The following EMILIN3 variants were observed in gnomAD, a reference collection of about 807,000 sequenced individuals.
EMILIN3 encodes elastin microfibril interfacer 3.
A neutral mutation model predicts 42.8 loss-of-function variants in EMILIN3; 38 were observed. The observed-to-expected ratio is 0.89, with a 90% confidence interval of 0.69 to 1.16. The LOEUF is 1.16. Ranked by LOEUF, EMILIN3 falls within the 50% of genes most tolerant of loss-of-function variation. The pLI, the probability that EMILIN3 is intolerant of heterozygous loss-of-function variation, is 0.00. For synonymous variants in EMILIN3, 430 were observed against 440.5 expected, an observed-to-expected ratio of 0.98 and a Z score of 0.30; for missense variants, 924 against 999.5, an observed-to-expected ratio of 0.92 and a Z score of 1.02.
Position 41,362,015 on chromosome 20 carries a change from C to T in EMILIN3, c.1554G>A (p.Glu518=). ...AGGTGGTGCTCGGGGTGCACGAAGT[C>T]TCCAGTGAGACCAACCGTTGCTCTA... is the stretch of plus-strand genomic sequence containing the variant. ...AVLEQRLVSL[E]TSCTPSTTSA... is the part of the protein sequence containing the mutation. Residue 518 remains glutamate (E), a synonymous_variant, in exon 4 of 4, where the codon GAG becomes GAA. Coordinates refer to ENST00000332312, the MANE Select transcript of EMILIN3 (RefSeq NM_052846.2). The T allele has an allele frequency of 3.1e-6, 5 of 1,611,684 alleles. No individual in the cohort carries two copies. The highest frequency in any genetic ancestry group is 4.2e-6 in the Non-Finnish European group (5 of 1,178,130).
Position 41,365,525 on chromosome 20 carries a change from C to T in EMILIN3, c.168-368G>A, listed in dbSNP as rs111430066. 5.9e-3 allele frequency among the ~76,000 whole-genome samples: 896 copies of T among 152,314 alleles called. 12 individuals carry two copies. Among genetic ancestry groups the T allele is most frequent in the African/African-American group, 0.02 (848 of 41,558 alleles). ...CTTGGCATTTAAGGCTTCCGAGTCCCCACTCAGTGACTCCTTTGAGAGCAC... is the reference window on the plus strand; with the variant it reads ...CTTGGCATTTAAGGCTTCCGAGTCCTCACTCAGTGACTCCTTTGAGAGCAC... On this transcript the variant is annotated intron_variant, in intron 1 of 3. Transcript: ENST00000332312.
In EMILIN3 at chr20:41,366,433, C is replaced by A; in HGVS notation, c.167+35G>T. ...AGCGGCGACGCGCGCGGGCCCATCC[C>A]TCCCTCTTCCCGCCCGCCGCCCGCC... On this transcript the variant is annotated intron_variant, in intron 1 of 3. Coordinates refer to ENST00000332312, the MANE Select transcript of EMILIN3 (RefSeq NM_052846.2). This position sits in a 1 kb window ranked among gnomAD's most constrained non-coding sequence, Gnocchi z 4.2. 1 of 1,108,682 alleles carries A rather than the reference C, an allele frequency of 9.0e-7. No homozygotes were observed. The highest frequency in any genetic ancestry group is 5.1e-5 in the Admixed American group (1 of 19,608). The allele number at this position is 1,108,682 out of a possible 1,614,324, so 68.7% of individuals were successfully genotyped here.
chr20:41,366,575 C>T lies in EMILIN3; in HGVS notation c.60G>A (p.Ala20=), dbSNP rs1454758451. 5.3e-6 allele frequency: 6 copies of T among 1,121,660 alleles called. No individual in the cohort carries two copies. Among genetic ancestry groups the T allele is most frequent in the Non-Finnish European group, 6.5e-6 (6 of 919,246 alleles). 69.5% of individuals were successfully genotyped at this position (1,121,660 alleles called of 1,614,324 possible). The change falls in exon 1 of 4, where the codon GCG becomes GCA. Residue 20 remains alanine, a synonymous_variant. Coordinates refer to ENST00000332312, the MANE Select transcript of EMILIN3 (RefSeq NM_052846.2). The surrounding 1 kb of genome is among the most constrained non-coding windows in gnomAD (Gnocchi z 4.2). ...CCAGGAGCGGGGTGCCCCTGGCCTG[C>T]GCCCCCGAGAGCAGCGCCGCGACGG... The part of the protein sequence containing the change: ...LCAVAALLSG[A]QARGTPLLAR...
At position 41,366,387 on chromosome 20, in the gene EMILIN3, C is replaced by T. The variant is rs1277950981; in HGVS notation, c.167+81G>A. On this transcript the variant is annotated intron_variant, in intron 1 of 3. Transcript: ENST00000332312. The surrounding 1 kb of genome is among the most constrained non-coding windows in gnomAD (Gnocchi z 4.2). ...GGGGTGCCCGGGGCCTCGACGCCCC[C>T]CGCGGGTGCGGGCAGGTGGGAGCGG... 2 of 1,044,514 alleles carry T rather than the reference C, an allele frequency of 1.9e-6. No individual in the cohort carries two copies. Among genetic ancestry groups the T allele is most frequent in the Middle Eastern group, 4.3e-4 (1 of 2,320 alleles). The allele number at this position is 1,044,514 out of a possible 1,614,324, so 64.7% of individuals were successfully genotyped here.
At chr20:41,365,268 T>G in intron 1 of EMILIN3, 111 bp from the exon 2 acceptor site, 1 of 1,438,540 alleles carries the variant, frequency 7.0e-7, no homozygotes, top group Non-Finnish European at 9.3e-7. Context: ...CTCCCATGTC[T>G]CTTCTGTCTG....
Position 41,361,815 on chromosome 20 carries a change from G to A in EMILIN3, c.1754C>T (p.Thr585Ile). 8 of 1,613,592 alleles carry A rather than the reference G, an allele frequency of 5.0e-6. No homozygotes were observed. The highest frequency in any genetic ancestry group is 6.8e-6 in the Non-Finnish European group (8 of 1,180,040). ...GTGSSLQGEITLLKVNLNSVS... is the reference protein window; with the variant it reads ...GTGSSLQGEIILLKVNLNSVS... The stretch of plus-strand genomic sequence containing the variant: ...TGAGTTCAGATTGACCTTGAGCAGA[G>A]TGATCTCGCCTTGAAGTGAGCTGCC... The change falls in exon 4 of 4, where the codon ACT (threonine) becomes ATT (isoleucine). Residue 585 changes from threonine to isoleucine, a missense_variant. Coordinates refer to ENST00000332312, the MANE Select transcript of EMILIN3 (RefSeq NM_052846.2).
At chr20:41,363,421 A>T (rs555915525) in intron 3 of EMILIN3, among the ~76,000 whole-genome samples, 5 of 152,314 alleles carry the variant, frequency 3.3e-5, no homozygotes. Context: ...GATTACAGGC[A>T]TGAGCCACCG....
Position 41,365,076 on chromosome 20 carries a change from G to A in EMILIN3, c.249C>T (p.Tyr83=), listed in dbSNP as rs1342052186. The A allele has an allele frequency of 6.2e-7, 1 of 1,613,922 alleles. No individual in the cohort carries two copies. The highest frequency in any genetic ancestry group is 2.2e-5 in the East Asian group (1 of 44,900). ...ACTTGGGCCCCCATCTACACTGCCG[G>A]TATTCAGCCTTTACGTAGCTCTCCG... ...EGAESYVKAE[Y]RQCRWGPKCP... The change falls in exon 2 of 4, where the codon TAC becomes TAT. Residue 83 remains tyrosine, a synonymous_variant. Transcript: ENST00000332312.
In EMILIN3 at chr20:41,361,822, C is replaced by T. The variant is rs753687591; in HGVS notation, c.1747G>A (p.Glu583Lys). 6.2e-6 allele frequency: 10 copies of T among 1,613,544 alleles called. No individual in the cohort carries two copies. The highest frequency in any genetic ancestry group is 8.5e-6 in the Non-Finnish European group (10 of 1,180,046). ...AGATTGACCTTGAGCAGAGTGATCT[C>T]GCCTTGAAGTGAGCTGCCCGTCCCT... Reference protein sequence around the residue: ...AEGTGSSLQGEITLLKVNLNS... With the variant: ...AEGTGSSLQGKITLLKVNLNS... Residue 583 changes from glutamate to lysine, a missense_variant, in exon 4 of 4, where the codon GAG becomes AAG. Coordinates refer to ENST00000332312, the MANE Select transcript of EMILIN3 (RefSeq NM_052846.2).
At chr20:41,363,996 T>A in intron 2 of EMILIN3, 135 bp from the exon 3 acceptor site, 1 of 785,562 alleles carries the variant, frequency 1.3e-6, no homozygotes, top group Non-Finnish European at 2.1e-6. Flanking sequence ...CCCCCAGGGC[T>A]GTACTTTTTC....
chr20:41,365,726 A>G (rs2046390230), intron 1 of EMILIN3, among the ~76,000 whole-genome samples: 1 of 152,074 alleles, frequency 6.6e-6, no homozygotes, highest in Non-Finnish European at 1.5e-5. Flanking sequence ...TCTTCCTCCT[A>G]CAACAGCTCT....
chr20:41,360,036 A>C lies in EMILIN3; in HGVS notation c.*1232T>G, dbSNP rs2147029870. On this transcript the variant is annotated 3_prime_UTR_variant, in exon 4 of 4. Coordinates refer to ENST00000332312, the MANE Select transcript of EMILIN3 (RefSeq NM_052846.2). ...ACCAGAGTGGAGGGCAGAATACCAA[A>C]TGTCCAGGAACCAAAGGCAGGGCTG... 1 of 152,682 alleles carries C rather than the reference A, an allele frequency of 6.5e-6. No homozygotes were observed. Among genetic ancestry groups the C allele is most frequent in the East Asian group, 1.9e-4 (1 of 5,174 alleles). The allele number at this position is 152,682 out of a possible 1,614,324, so 9.5% of individuals were successfully genotyped here.
Position 41,366,358 on chromosome 20 carries a change from C to T in EMILIN3, c.167+110G>A. On this transcript the variant is annotated intron_variant, in intron 1 of 3. Transcript: ENST00000332312. This position sits in a 1 kb window ranked among gnomAD's most constrained non-coding sequence, Gnocchi z 4.2. ...GGGCGCCGCCCCCTCTGTGCAGCGG[C>T]CTCGGGGTGCCCGGGGCCTCGACGC... 1.2e-6 allele frequency: 1 copy of T among 833,818 alleles called. No homozygotes were observed. The highest frequency in any genetic ancestry group is 1.5e-6 in the Non-Finnish European group (1 of 672,604). 51.7% of individuals were successfully genotyped at this position (833,818 alleles called of 1,614,324 possible). A position where few individuals can be genotyped will look rare whatever the true frequency, so the allele number is the denominator to read the frequency against.
At chr20:41,363,932 A>G (rs1242296348) in intron 2 of EMILIN3, 71 bp from the exon 3 acceptor site, 36 of 1,472,290 alleles carry the variant, frequency 2.4e-5, no homozygotes. Context: ...GCTGGCACTC[A>G]GGGCCGCCCT....
At chr20:41,364,656 C>A (rs1468381852) in intron 2 of EMILIN3, among the ~76,000 whole-genome samples, 1 of 152,172 alleles carries the variant, frequency 6.6e-6, no homozygotes, top group Non-Finnish European at 1.5e-5. Context: ...GCCTGCCAGG[C>A]CCCCCTGTGG....
rs564227159 is a variant in EMILIN3 at position 41,365,788 on chromosome 20, C to A, written c.168-631G>T. On this transcript the variant is annotated intron_variant, in intron 1 of 3. Transcript: ENST00000332312. ...CCAGCACCCCAGGCAGAGCCTCCAG[C>A]CCACTTAACTGAGGCCAGTTCGCAA... Among the ~76,000 whole-genome samples, 12 of 152,362 alleles carry A rather than the reference C, an allele frequency of 7.9e-5. No individual in the cohort carries two copies. In the South Asian group the frequency reaches 2.3e-3, roughly 29 times the overall value.
rs545500109 is a variant in EMILIN3 at position 41,362,055 on chromosome 20, G to T, written c.1514C>A (p.Thr505Lys). The change falls in exon 4 of 4, where the codon ACA becomes AAA. Residue 505 changes from threonine to lysine, a missense_variant. Coordinates refer to ENST00000332312, the MANE Select transcript of EMILIN3 (RefSeq NM_052846.2). ...CCGTTGCTCTAGCACAGCCAGCTCTGTCTGTACAAGGGGCCGAGCTGACCT... is the reference window on the plus strand; with the variant it reads ...CCGTTGCTCTAGCACAGCCAGCTCTTTCTGTACAAGGGGCCGAGCTGACCT... ...PGRSARPLVQ[T>K]ELAVLEQRLV... 1.9e-6 allele frequency: 3 copies of T among 1,610,776 alleles called. No individual in the cohort carries two copies. The highest frequency in any genetic ancestry group is 2.5e-6 in the Non-Finnish European group (3 of 1,177,350).
rs778005959 is a variant in EMILIN3, at chr20:41,362,300, G to C, written c.1269C>G (p.Leu423=). The change falls in exon 4 of 4, where the codon CTC becomes CTG. Residue 423 remains leucine, a synonymous_variant. Coordinates refer to ENST00000332312, the MANE Select transcript of EMILIN3 (RefSeq NM_052846.2). ...CACCTCCCTCGAGCATGGCAGCAGA[G>C]AGCCTCGTAAGCTCATCCCCGGCCG... The part of the protein sequence containing the change: ...GAPAGDELTR[L]SAAMLEGGVD... 85 of 1,613,288 alleles carry C rather than the reference G, an allele frequency of 5.3e-5. No homozygotes were observed. Among genetic ancestry groups the C allele is most frequent in the Non-Finnish European group, 7.0e-5 (83 of 1,179,982 alleles).
Position 41,362,275 on chromosome 20 carries a change from C to T in EMILIN3, c.1294G>A (p.Val432Met). The stretch of plus-strand genomic sequence containing the variant: ...TCCAGACCCTCAAGCAGCCCGTCCA[C>T]ACCTCCCTCGAGCATGGCAGCAGAG... ...RLSAAMLEGG[V>M]DGLLEGLETL... The change falls in exon 4 of 4, where the codon GTG (valine) becomes ATG (methionine). Residue 432 changes from valine (V) to methionine (M), a missense_variant. Val to Met is a conservative substitution (Grantham distance 21). Coordinates refer to ENST00000332312, the MANE Select transcript of EMILIN3 (RefSeq NM_052846.2). 1.9e-6 allele frequency: 3 copies of T among 1,613,926 alleles called. No individual in the cohort carries two copies. Among genetic ancestry groups the T allele is most frequent in the Admixed American group, 1.7e-5 (1 of 60,018 alleles).
Sources: allele counts gnomAD v4.1 joint callset (sites outside exome capture counted in the v4.1 genomes callset), GRCh38; gene constraint gnomAD v4.1.1; non-coding constraint Gnocchi (gnomAD v3.1); transcripts MANE v1.5; gene names NCBI Gene and HGNC (gene_info 2026-07-23, HGNC 2026-07-21).